Variants in CNTN4 observed in about 807,000 individuals in gnomAD.
CNTN4 encodes contactin 4, also known as contactin-4.
Under a neutral mutation model 122.5 loss-of-function variants are expected in CNTN4, and 77 were observed. The observed-to-expected ratio is 0.63, with a 90% CI of 0.52 to 0.76. The LOEUF (loss-of-function observed/expected upper bound fraction) is 0.76. CNTN4 is among the 30% of genes least tolerant of loss of function. The pLI is 0.00. For missense variants in CNTN4, 1,256 were observed against 1,259.1 expected (o/e 1.00, Z 0.04); for synonymous variants, 512 against 447.0 (o/e 1.15, Z -1.83).
rs542194035 is a variant in CNTN4, at chr3:3,057,352, C to A, written c.*1132C>A. On this transcript the variant is annotated 3_prime_UTR_variant, in exon 25 of 25. Transcript: ENST00000418658. Reference sequence around the variant, plus strand: ...GCTCTTTAGTACAATTGTATGGTTTCTTGATGATTCTGTTTTGCAATAGGT... The same window carrying A: ...GCTCTTTAGTACAATTGTATGGTTTATTGATGATTCTGTTTTGCAATAGGT... The A allele has an allele frequency of 6.6e-6, 1 of 152,658 alleles. No individual in the cohort carries two copies. The allele number at this position is 152,658 out of a possible 1,614,324, so 9.5% of individuals were successfully genotyped here.
At chr3:2,551,849 T>G (rs1204545642) in intron 3 of CNTN4, among the ~76,000 whole-genome samples, 1 of 152,164 alleles carries the variant, frequency 6.6e-6, no homozygotes, top group African/African-American at 2.4e-5. Context: ...GTTTTTTTCT[T>G]TAGTTATTAA....
chr3:2,639,278 A>G (rs891959319), intron 4 of CNTN4, among the ~76,000 whole-genome samples: 2 of 152,002 alleles, frequency 1.3e-5, no homozygotes, highest in Non-Finnish European at 2.9e-5. Context: ...TTCTATTCCT[A>G]TTTAATTCTG....
At chr3:3,026,689 G>A (rs140287733) in intron 15 of CNTN4, among the ~76,000 whole-genome samples, 1 of 152,100 alleles carries the variant, frequency 6.6e-6, no homozygotes, top group African/African-American at 2.4e-5. Flanking sequence ...TTTTTAGGCT[G>A]CTAATTAAAC....
At chr3:2,602,860 A>T (rs2149759173) in intron 4 of CNTN4, among the ~76,000 whole-genome samples, 1 of 152,298 alleles carries the variant, frequency 6.6e-6, no homozygotes, top group Non-Finnish European at 1.5e-5. Context: ...GTGCTTTCTT[A>T]AGTCTCAGCT....
rs1216751187 is a variant in CNTN4, at chr3:2,938,248, T to C, written c.1358+12469T>C. ...TTGGCTCTAGTCCTGTATTTCATGGTTATCTTGTGGCCATTTTTATCTCTG... is the reference window on the plus strand; with the variant it reads ...TTGGCTCTAGTCCTGTATTTCATGGCTATCTTGTGGCCATTTTTATCTCTG... On this transcript the variant is annotated intron_variant, in intron 13 of 24. Transcript: ENST00000418658. 1.5e-4 allele frequency among the ~76,000 whole-genome samples: 23 copies of C among 152,116 alleles called. 1 individual carries two copies. The highest frequency in any genetic ancestry group is 1.5e-3 in the Admixed American group (23 of 15,260).
chr3:2,754,926 T>A (rs529055116), intron 6 of CNTN4, among the ~76,000 whole-genome samples: 13 of 152,260 alleles, frequency 8.5e-5, no homozygotes, highest in African/African-American at 3.1e-4. Context: ...AGATCTTTCT[T>A]ATGACTACTA....
At chr3:2,886,513 C>CT (rs200813621) in intron 9 of CNTN4, among the ~76,000 whole-genome samples, 55,287 of 136,724 alleles carry the variant, frequency 0.4, 11,846 homozygotes, top group East Asian at 0.71. Context: ...AGATAGATCA[C>CT]TTTTTTTTTT....
intron 2 of CNTN4, among the ~76,000 whole-genome samples, chr3:2,174,737 T>C (rs912868578): frequency 3.4e-4 from 52 of 152,178 alleles, no homozygotes; most frequent in African/African-American, 1.2e-3. Flanking sequence ...CTCACAGTTC[T>C]GCAAGTGGTA....
intron 2 of CNTN4, among the ~76,000 whole-genome samples, chr3:2,239,402 A>G (rs1383255990): frequency 6.6e-6 from 1 of 152,160 alleles, no homozygotes; most frequent in Non-Finnish European, 1.5e-5. Context: ...ACAGACACAC[A>G]TACCCTCAAA....
intron 5 of CNTN4, among the ~76,000 whole-genome samples, chr3:2,744,109 T>G (rs1320416697): frequency 6.6e-6 from 1 of 152,190 alleles, no homozygotes; most frequent in Non-Finnish European, 1.5e-5. Context: ...GCCACCGTGC[T>G]TAATCATCTT....
intron 3 of CNTN4, among the ~76,000 whole-genome samples, chr3:2,522,152 T>G: frequency 4.0e-5 from 1 of 25,166 alleles, no homozygotes; most frequent in Admixed American, 4.2e-4. Context: ...AAGCAGTTTG[T>G]GTGTGTGTGT....
chr3:2,698,868 C>G (rs1421869597), intron 4 of CNTN4, among the ~76,000 whole-genome samples: 1 of 151,996 alleles, frequency 6.6e-6, no homozygotes, highest in Non-Finnish European at 1.5e-5. Flanking sequence ...AAATACAAAA[C>G]AAAAATTAGC....
chr3:2,210,511 G>T (rs566523912), intron 2 of CNTN4, among the ~76,000 whole-genome samples: 1 of 152,220 alleles, frequency 6.6e-6, no homozygotes, highest in South Asian at 2.1e-4. Context: ...TGTAGCCAGT[G>T]TAATCTTTAT....
At chr3:2,758,482 T>G (rs552899951) in intron 6 of CNTN4, among the ~76,000 whole-genome samples, 101 of 151,568 alleles carry the variant, frequency 6.7e-4, no homozygotes, top group African/African-American at 2.3e-3. Flanking sequence ...AAAAAACTCA[T>G]TATGAAGGTG....
chr3:2,432,738 C>A (rs1342067810), intron 3 of CNTN4, among the ~76,000 whole-genome samples: 1 of 150,466 alleles, frequency 6.6e-6, no homozygotes, highest in Non-Finnish European at 1.5e-5. Flanking sequence ...ACCAAGATTG[C>A]TTTCATATTT....
chr3:2,120,039 G>A (rs1013043561), intron 2 of CNTN4, among the ~76,000 whole-genome samples: 1 of 151,810 alleles, frequency 6.6e-6, no homozygotes, highest in Admixed American at 6.6e-5. Context: ...CAATAACCAG[G>A]GAAGAAAGTT....
chr3:3,037,328 C>T lies in CNTN4; in HGVS notation c.2092C>T (p.Leu698Phe), dbSNP rs866560366. The T allele has an allele frequency of 1.7e-5, 27 of 1,613,972 alleles. 1 individual carries two copies. The highest frequency in any genetic ancestry group is 2.2e-5 in the South Asian group (2 of 91,078). Residue 698 changes from leucine to phenylalanine, a missense_variant and splice_region_variant, in exon 18 of 25, where the codon CTC becomes TTC. Coordinates refer to ENST00000418658, the MANE Select transcript of CNTN4 (RefSeq NM_175607.3). ...PSEKRRTEEA[L>F]PEVTPANVSG... is the part of the protein sequence containing the mutation. Reference sequence around the variant, plus strand: ...AGAGAAACGGAGAACAGAAGAAGCTCGTGAGTAGCACCCGAGATTCAGATC... The same window carrying T: ...AGAGAAACGGAGAACAGAAGAAGCTTGTGAGTAGCACCCGAGATTCAGATC...
chr3:2,348,681 C>T (rs1295474679), intron 3 of CNTN4, among the ~76,000 whole-genome samples: 1 of 152,036 alleles, frequency 6.6e-6, no homozygotes, highest in African/African-American at 2.4e-5. Flanking sequence ...TAGCTGGGTT[C>T]ATTATGTTTT....
chr3:2,902,236 A>G (rs571636580), intron 11 of CNTN4, among the ~76,000 whole-genome samples: 64 of 152,266 alleles, frequency 4.2e-4, no homozygotes, highest in Non-Finnish European at 8.5e-4. Context: ...CATAAGTTGT[A>G]TATCCTCAGA....
Sources: gnomAD v4.1 joint callset for allele counts (sites outside exome capture counted in the v4.1 genomes callset) on GRCh38, gnomAD v4.1.1 for gene constraint, MANE v1.5 for transcripts, NCBI Gene and HGNC (gene_info 2026-07-23, HGNC 2026-07-21) for gene names.